The following TBC1D31 variants were observed in gnomAD, a reference collection of about 807,000 sequenced individuals.
The protein encoded by TBC1D31 is WD repeat domain 67.
A neutral mutation model predicts 132.9 loss-of-function variants in TBC1D31; 99 were observed. That is an observed-to-expected ratio of 0.74 (90% CI 0.63 to 0.88). The LOEUF (loss-of-function observed/expected upper bound fraction) is 0.88, where lower values mean the gene tolerates loss of function less well. Among genes scored for constraint, TBC1D31 ranks in the 40% least tolerant of loss-of-function variants. The probability of loss-of-function intolerance (pLI) is 0.00; values close to 1 mark genes in which losing one functional copy is unlikely to be tolerated. For synonymous variants in TBC1D31, 385 were observed against 419.4 expected (o/e 0.92, Z 1.00); for missense variants, 1,134 against 1,256.6 (o/e 0.90, Z 1.48).
chr8:123,099,965 A>C (rs1817220277), intron 6 of TBC1D31, among the ~76,000 whole-genome samples: 1 of 151,642 alleles, frequency 6.6e-6, no homozygotes, highest in South Asian at 2.1e-4. Context: ...TACCAAACCC[A>C]CTCCCACAAT....
intron 10 of TBC1D31, among the ~76,000 whole-genome samples, chr8:123,116,853 G>C (rs2130647942): frequency 6.6e-6 from 1 of 152,258 alleles, no homozygotes; most frequent in South Asian, 2.1e-4. Flanking sequence ...ATATCCATGA[G>C]TTCATCCTGA....
At chr8:123,130,433 A>G (rs1051079622) in intron 16 of TBC1D31, 100 bp downstream of exon 16, 24 of 1,116,406 alleles carry the variant, frequency 2.1e-5, no homozygotes, top group Non-Finnish European at 2.9e-5. Flanking sequence ...AGAGTCCACC[A>G]TGAATACTAA....
At position 123,084,283 on chromosome 8, in the gene TBC1D31, G is replaced by A. The variant is rs1390845131; in HGVS notation, c.462G>A (p.Leu154=). ...CTGATACAGCACAATTATGGGACTT[G>A]GATACCTTTCAGAGAAAAAGAAAGC... ...TSSDTAQLWD[L]DTFQRKRKLN... is the part of the protein sequence containing the mutation. The change falls in exon 4 of 22, where the codon TTG becomes TTA. Residue 154 remains leucine (L), a synonymous_variant. Transcript: ENST00000287380. The A allele has an allele frequency of 1.2e-6, 2 of 1,614,018 alleles. No homozygotes were observed. The highest frequency in any genetic ancestry group is 2.2e-5 in the East Asian group (1 of 44,890).
chr8:123,139,316 T>A (rs1821408547), intron 17 of TBC1D31, among the ~76,000 whole-genome samples: 1 of 152,306 alleles, frequency 6.6e-6, no homozygotes, highest in African/African-American at 2.4e-5. Context: ...GTCTGGAATA[T>A]AATGTAGCAA....
At chr8:123,124,607 G>A (rs1225987217) in intron 11 of TBC1D31, among the ~76,000 whole-genome samples, 1 of 152,022 alleles carries the variant, frequency 6.6e-6, no homozygotes, top group Non-Finnish European at 1.5e-5. Flanking sequence ...CAAGTACTCA[G>A]GTGCTGAACC....
rs1817833468 is a variant in TBC1D31, at chr8:123,105,418, C to A, written c.1163C>A (p.Thr388Asn). The A allele has an allele frequency of 2.5e-6, 4 of 1,612,048 alleles. No individual in the cohort carries two copies. The highest frequency in any genetic ancestry group is 1.6e-4 in the Middle Eastern group (1 of 6,078). ...PAKSRESKMQ[T>N]RILKQDLTGD... ...AAATCTAGGGAAAGCAAAATGCAAA[C>A]TAGAATATTAAAACAAGACCTGACT... The change falls in exon 8 of 22, where the codon ACT (threonine) becomes AAT (asparagine). Residue 388 changes from threonine (T) to asparagine (N), a missense_variant. By Grantham distance (65) the Thr-to-Asn change is moderately conservative (BLOSUM62 0). Transcript: ENST00000287380.
intron 18 of TBC1D31, among the ~76,000 whole-genome samples, chr8:123,141,114 C>T (rs993875376): frequency 6.6e-6 from 1 of 150,412 alleles, no homozygotes; most frequent in Admixed American, 6.6e-5. Flanking sequence ...CTTTTTCCTA[C>T]AGTTTGAGGA....
chr8:123,099,109 T>C lies in TBC1D31; in HGVS notation c.831+1668T>C, dbSNP rs186223602. Among the ~76,000 whole-genome samples, 30 of 152,136 alleles carry C rather than the reference T, an allele frequency of 2.0e-4. 1 individual carries two copies. In the East Asian group the frequency reaches 5.6e-3, roughly 28 times the overall value. ...AACTTTTTTATTACATTTTTTTTTG[T>C]TTTGGTTTGGTTTTTGGTTTTTGGT... On this transcript the variant is annotated intron_variant, in intron 6 of 21. Transcript: ENST00000287380.
chr8:123,138,181 C>T (rs376919439), intron 17 of TBC1D31, among the ~76,000 whole-genome samples: 3 of 152,070 alleles, frequency 2.0e-5, no homozygotes, highest in Admixed American at 6.6e-5. Flanking sequence ...TTGTCTTCTT[C>T]GCTTAATAAA....
intron 1 of TBC1D31, chr8:123,073,527 T>C (rs573639223): frequency 2.6e-6 from 1 of 390,398 alleles, no homozygotes; most frequent in East Asian, 7.3e-5. Context: ...CTGTCCTGTT[T>C]GAGGCTCAGC....
At chr8:123,080,798 G>C (rs147559436) in intron 2 of TBC1D31, among the ~76,000 whole-genome samples, 3,986 of 152,164 alleles carry the variant, frequency 0.026, 140 homozygotes, top group African/African-American at 0.091. Context: ...GCCTCCCAAA[G>C]TGTTGGGATT....
intron 6 of TBC1D31, among the ~76,000 whole-genome samples, chr8:123,099,839 G>T (rs1452428404): frequency 6.6e-6 from 1 of 152,146 alleles, no homozygotes; most frequent in African/African-American, 2.4e-5. Flanking sequence ...AGATCTAGAG[G>T]TTGGCATCTT....
At chr8:123,124,755 C>CT (rs1218460921) in intron 11 of TBC1D31, among the ~76,000 whole-genome samples, 11 of 149,296 alleles carry the variant, frequency 7.4e-5, no homozygotes, top group Admixed American at 6.8e-4. Context: ...TAGTGAAACC[C>CT]TGTCTCTACT....
chr8:123,094,157 C>G (rs1011083349), intron 5 of TBC1D31, among the ~76,000 whole-genome samples: 1 of 151,978 alleles, frequency 6.6e-6, no homozygotes, highest in African/African-American at 2.4e-5. Flanking sequence ...CTCTGTCTCC[C>G]GGGTTCACGC....
intron 10 of TBC1D31, among the ~76,000 whole-genome samples, chr8:123,116,098 CAT>C (rs1375757662): frequency 3.3e-5 from 5 of 152,096 alleles, no homozygotes; most frequent in Non-Finnish European, 5.9e-5. Context: ...TTGCTGCTGA[CAT>C]ATAAATAGAT....
chr8:123,151,755 C>T (rs563678837), intron 21 of TBC1D31, 51 bp from the exon 22 acceptor site: 47 of 1,496,974 alleles, frequency 3.1e-5, no homozygotes, highest in Admixed American at 7.8e-5. Flanking sequence ...GCTGTATCAC[C>T]GCTAACATCA....
At chr8:123,105,996 G>A (rs1272318488) in intron 8 of TBC1D31, among the ~76,000 whole-genome samples, 1 of 152,002 alleles carries the variant, frequency 6.6e-6, no homozygotes, top group Non-Finnish European at 1.5e-5. Context: ...AATACTGTCA[G>A]TTTTCCTAAG....
intron 5 of TBC1D31, among the ~76,000 whole-genome samples, chr8:123,094,507 CTTTATTTATTTATTTATTTATTTA>C (rs368810398): frequency 2.7e-5 from 4 of 148,228 alleles, no homozygotes; most frequent in Non-Finnish European, 4.5e-5. Context: ...TATTATCACA[CTTTATTTATTTATTTATTTATTTA>C]TTTATTTATT....
At chr8:123,102,364 T>C in intron 7 of TBC1D31, 1 of 403,630 alleles carries the variant, frequency 2.5e-6, no homozygotes, top group Non-Finnish European at 4.9e-6. Flanking sequence ...CCACCTTTTT[T>C]TATTCTAAAA....
Sources: allele counts gnomAD v4.1 joint callset (sites outside exome capture counted in the v4.1 genomes callset), GRCh38; gene constraint gnomAD v4.1.1; transcripts MANE v1.5; gene names NCBI Gene and HGNC (gene_info 2026-07-23, HGNC 2026-07-21).